LILRB1: variants seen among roughly 807,000 people sequenced by gnomAD.
LILRB1 encodes the protein leukocyte immunoglobulin like receptor B1.
Under a neutral mutation model 74.6 loss-of-function variants are expected in LILRB1, and 59 were observed. The observed-to-expected ratio is 0.79, with a 90% CI of 0.64 to 0.98. The LOEUF (loss-of-function observed/expected upper bound fraction) is 0.98. LILRB1 is among the 50% of genes least tolerant of loss of function. The pLI is 0.00. For missense variants in LILRB1, 804 were observed against 822.6 expected, an observed-to-expected ratio of 0.98 and a Z score of 0.28; for synonymous variants, 328 against 333.9, an observed-to-expected ratio of 0.98 and a Z score of 0.19.
chr19:54,620,077 C>G (rs1456908243), intron 1 of LILRB1, among the ~76,000 whole-genome samples: 1 of 148,162 alleles, frequency 6.7e-6, no homozygotes, highest in South Asian at 2.1e-4. Context: ...AGGTTTTTTT[C>G]TAGTTAAGAA....
At chr19:54,636,364 C>A (rs1599872619) in intron 13 of LILRB1, 130 bp from the exon 14 acceptor site, 1 of 1,496,100 alleles carries the variant, frequency 6.7e-7, no homozygotes, top group Non-Finnish European at 8.9e-7. Context: ...AGACCCTCCA[C>A]GGCCTTAGGG....
rs1258130893 is a variant in LILRB1 at position 54,632,670 on chromosome 19, T to C, written c.868T>C (p.Ser290Pro). The stretch of plus-strand genomic sequence containing the variant: ...CTTCACCCTGGGCCCTGTGAGCCGC[T>C]CCTACGGGGGCCAGTACAGATGCTA... ...ANFTLGPVSR[S>P]YGGQYRCYGA... is the part of the protein sequence containing the mutation. The change falls in exon 6 of 15, where the codon TCC becomes CCC. Residue 290 changes from serine (S) to proline (P), a missense_variant. Transcript: ENST00000324602. The C allele has an allele frequency of 1.2e-6, 2 of 1,613,626 alleles. No homozygotes were observed. The highest frequency in any genetic ancestry group is 3.3e-5 in the Admixed American group (2 of 60,026).
intron 1 of LILRB1, among the ~76,000 whole-genome samples, chr19:54,619,429 C>A (rs2063396076): frequency 6.6e-6 from 1 of 152,006 alleles, no homozygotes; most frequent in African/African-American, 2.4e-5. Flanking sequence ...AAAACACACC[C>A]TAATCCAAAA....
At chr19:54,630,823 TG>T in intron 1 of LILRB1, 190 bp downstream of exon 1, 3 of 780,092 alleles carry the variant, frequency 3.8e-6, no homozygotes, top group Non-Finnish European at 4.3e-6. Context: ...AGACGGTGGC[TG>T]GGGGTCAGGA....
At position 54,631,315 on chromosome 19, in the gene LILRB1, G is replaced by A; in HGVS notation, c.70+9G>A. 6.2e-7 allele frequency: 1 copy of A among 1,613,380 alleles called. No individual in the cohort carries two copies. Among genetic ancestry groups the A allele is most frequent in the Non-Finnish European group, 8.5e-7 (1 of 1,179,904 alleles). On this transcript the variant is annotated intron_variant, in intron 3 of 14. Coordinates refer to ENST00000324602, the MANE Select transcript of LILRB1 (RefSeq NM_001081637.3). Reference sequence around the variant, plus strand: ...GACCCACGTGCAGGCAGGTGAGTCTGTCCCCAGCTCTTCCAGGTCCCTCCT... The same window carrying A: ...GACCCACGTGCAGGCAGGTGAGTCTATCCCCAGCTCTTCCAGGTCCCTCCT...
At chr19:54,626,943 T>C (rs1365240561), upstream of LILRB1, among the ~76,000 whole-genome samples, 1 of 152,164 alleles carries the variant, frequency 6.6e-6, no homozygotes, top group Non-Finnish European at 1.5e-5. Flanking sequence ...GGTCCAGCAG[T>C]GATAAAGCGC....
rs760272498 is a variant in LILRB1 at position 54,633,637 on chromosome 19, G to A, written c.1262-1G>A. ...CAGCCTCCTCTCATTCTTTTACCCA[G>A]GACCGTCTGGGGGCCCCAGCTCCCC... On this transcript the variant is annotated splice_acceptor_variant, in intron 7 of 14. Transcript: ENST00000324602. LOFTEE classifies it high-confidence loss of function. 7 of 1,613,328 alleles carry A rather than the reference G, an allele frequency of 4.3e-6. No individual in the cohort carries two copies. Among genetic ancestry groups the A allele is most frequent in the Non-Finnish European group, 5.9e-6 (7 of 1,179,648 alleles).
chr19:54,617,756 A>C (rs1249382516), intron 1 of LILRB1, among the ~76,000 whole-genome samples: 1 of 151,986 alleles, frequency 6.6e-6, no homozygotes, highest in Non-Finnish European at 1.5e-5. Flanking sequence ...GTAACATGGA[A>C]ATTTAGGGTT....
chr19:54,631,324 T>C lies in LILRB1; in HGVS notation c.70+18T>C. ...GCAGGCAGGTGAGTCTGTCCCCAGCTCTTCCAGGTCCCTCCTCCTCACTGG... is the reference window on the plus strand; with the variant it reads ...GCAGGCAGGTGAGTCTGTCCCCAGCCCTTCCAGGTCCCTCCTCCTCACTGG... On this transcript the variant is annotated intron_variant, in intron 3 of 14. Coordinates refer to ENST00000324602, the MANE Select transcript of LILRB1 (RefSeq NM_001081637.3). The C allele has an allele frequency of 6.2e-7, 1 of 1,613,380 alleles. No individual in the cohort carries two copies. The highest frequency in any genetic ancestry group is 8.5e-7 in the Non-Finnish European group (1 of 1,179,970).
intron 8 of LILRB1, 129 bp downstream of exon 8, chr19:54,633,817 G>A: frequency 1.4e-6 from 2 of 1,443,864 alleles, no homozygotes; most frequent in African/African-American, 1.4e-5. Context: ...AGCCAGAGGA[G>A]GGGCCACAGG....
Position 54,632,994 on chromosome 19 carries a change from C to T in LILRB1, c.959-22C>T, listed in dbSNP as rs766302465. ...CTCAGAGCAAGGTGGGGCAGCCCCT[C>T]GCCCATCCTTCTTCTCTCCAGGACA... On this transcript the variant is annotated intron_variant, in intron 6 of 14. Coordinates refer to ENST00000324602, the MANE Select transcript of LILRB1 (RefSeq NM_001081637.3). 19 of 1,605,226 alleles carry T rather than the reference C, an allele frequency of 1.2e-5. No individual in the cohort carries two copies. The African/African-American group carries it at 1.2e-4, about 10-fold the overall frequency.
chr19:54,618,083 A>G (rs567759114), intron 1 of LILRB1, among the ~76,000 whole-genome samples: 155 of 147,522 alleles, frequency 1.1e-3, no homozygotes, highest in African/African-American at 3.7e-3. Context: ...TCTGGGTGAC[A>G]GAGTGAGCCC....
Position 54,633,382 on chromosome 19 carries a change from G to A in LILRB1, c.1261+64G>A, listed in dbSNP as rs867254003. On this transcript the variant is annotated intron_variant, in intron 7 of 14. Transcript: ENST00000324602. ...TCAGCTCAGACCCTGCCCCAGGAGA[G>A]CTCTGGGCTGGGATGGAGTGAGCGG... The A allele has an allele frequency of 9.3e-5, 145 of 1,557,962 alleles. 2 individuals carry two copies. The Middle Eastern group carries it at 1.4e-3, about 15-fold the overall frequency.
In LILRB1 at chr19:54,633,293, T is replaced by G. The variant is rs745575930; in HGVS notation, c.1236T>G (p.Ser412Arg). The change falls in exon 7 of 15, where the codon AGT (serine) becomes AGG (arginine). Residue 412 changes from serine (S) to arginine (R), a missense_variant. Ser to Arg is a moderately radical substitution (Grantham distance 110). Coordinates refer to ENST00000324602, the MANE Select transcript of LILRB1 (RefSeq NM_001081637.3). ...AACCCTACCTGCTGACTCACCCCAG[T>G]GACCCCCTGGAGCTCGTGGTCTCAG... ...SSKPYLLTHP[S>R]DPLELVVSGP... 3 of 1,614,048 alleles carry G rather than the reference T, an allele frequency of 1.9e-6. No individual in the cohort carries two copies. The highest frequency in any genetic ancestry group is 1.7e-6 in the Non-Finnish European group (2 of 1,179,930).
chr19:54,621,455 T>G (rs1293922982), intron 1 of LILRB1, among the ~76,000 whole-genome samples: 3 of 152,238 alleles, frequency 2.0e-5, no homozygotes, highest in African/African-American at 7.2e-5. Context: ...ATGTGTTTGT[T>G]GGCCACTTAT....
chr19:54,634,165 T>A lies in LILRB1; in HGVS notation c.1363+144T>A, dbSNP rs915567801. 1,251 of 1,515,014 alleles carry A rather than the reference T, an allele frequency of 8.3e-4. 23 individuals are homozygous for A. The South Asian group carries it at 0.015, about 18-fold the overall frequency. 93.8% of individuals were successfully genotyped at this position (1,515,014 alleles called of 1,614,324 possible). A position where few individuals can be genotyped will look rare whatever the true frequency, so the allele number is the denominator to read the frequency against. On this transcript the variant is annotated intron_variant, in intron 9 of 14. Transcript: ENST00000324602. Reference sequence around the variant, plus strand: ...GCCTCAGTTTCTCCAAATGTAAAGGTGAGAGGCCTGCGGGTGGGAAAGTTC... The same window carrying A: ...GCCTCAGTTTCTCCAAATGTAAAGGAGAGAGGCCTGCGGGTGGGAAAGTTC...
chr19:54,617,589 G>GTGTGTGTGT (rs58534340), intron 1 of LILRB1, among the ~76,000 whole-genome samples: 1 of 127,384 alleles, frequency 7.9e-6, no homozygotes, highest in Non-Finnish European at 1.7e-5. Flanking sequence ...GTGTGTGTGT[G>GTGTGTGTGT]GTGTGTGTGT....
Position 54,634,749 on chromosome 19 carries a change from A to G in LILRB1, c.1472A>G (p.Lys491Arg). The change falls in exon 10 of 15, where the codon AAA becomes AGA. Residue 491 changes from lysine (K) to arginine (R), a missense_variant. Lys to Arg is a conservative substitution (Grantham distance 26). Coordinates refer to ENST00000324602, the MANE Select transcript of LILRB1 (RefSeq NM_001081637.3). ...FLILRHRRQG[K>R]HWTSTQRKAD... ...ATCCTCCGACATCGACGTCAGGGCA[A>G]ACACTGGACATCGAGTGAGTAGGGA... 6.2e-7 allele frequency: 1 copy of G among 1,613,894 alleles called. No individual in the cohort carries two copies. The highest frequency in any genetic ancestry group is 8.5e-7 in the Non-Finnish European group (1 of 1,179,902).
At chr19:54,624,031 C>G (rs1487621336) in intron 1 of LILRB1, among the ~76,000 whole-genome samples, 3 of 152,148 alleles carry the variant, frequency 2.0e-5, no homozygotes, top group Non-Finnish European at 2.9e-5. Flanking sequence ...GGATATGGAC[C>G]TGGTGTGTTT....
Sources: allele counts gnomAD v4.1 joint callset (sites outside exome capture counted in the v4.1 genomes callset), GRCh38; gene constraint gnomAD v4.1.1; transcripts MANE v1.5; gene names NCBI Gene and HGNC (gene_info 2026-07-23, HGNC 2026-07-21).